Variants in LIPA observed in about 807,000 individuals in gnomAD.
The protein encoded by LIPA is lipase A, lysosomal acid type, also known as lysosomal acid lipase/cholesteryl ester hydrolase.
Under a neutral mutation model 40.6 loss-of-function variants are expected in LIPA, and 26 were observed. That is an observed-to-expected ratio of 0.64 (90% CI 0.47 to 0.89). The LOEUF (loss-of-function observed/expected upper bound fraction) is 0.89, where lower values mean the gene tolerates loss of function less well. LIPA is among the 40% of genes least tolerant of loss of function. The probability of loss-of-function intolerance (pLI) is 0.00; values close to 1 mark genes in which losing one functional copy is unlikely to be tolerated. For missense variants in LIPA, 455 were observed against 479.6 expected (o/e 0.95, Z 0.48); for synonymous variants, 188 against 168.4 (o/e 1.12, Z -0.90).
At chr10:89,408,416 C>A (rs1254858436) in intron 2 of LIPA, among the ~76,000 whole-genome samples, 1 of 152,212 alleles carries the variant, frequency 6.6e-6, no homozygotes, top group Non-Finnish European at 1.5e-5. Context: ...CACAGGAGGA[C>A]CTTTCAGCTT....
chr10:89,356,529 C>T (rs764730433), intron 2 of LIPA, among the ~76,000 whole-genome samples: 3 of 152,176 alleles, frequency 2.0e-5, no homozygotes, highest in East Asian at 1.9e-4. Context: ...CAAAAGAGCA[C>T]GAACCCTATT....
At chr10:89,384,688 T>G (rs1484051476) in intron 2 of LIPA, 1 of 1,614,198 alleles carries the variant, frequency 6.2e-7, no homozygotes, top group Non-Finnish European at 8.5e-7. Context: ...TGCTTTGCTG[T>G]GCTATGAGAG....
intron 1 of LIPA, among the ~76,000 whole-genome samples, chr10:89,271,946 T>C (rs1189932485): frequency 1.3e-5 from 2 of 151,608 alleles, no homozygotes; most frequent in Non-Finnish European, 2.9e-5. Context: ...GTCACGCACC[T>C]GTAGTCTCAG....
At chr10:89,351,894 T>A (rs1263548899) in intron 2 of LIPA, among the ~76,000 whole-genome samples, 2 of 152,204 alleles carry the variant, frequency 1.3e-5, no homozygotes, top group Non-Finnish European at 2.9e-5. Flanking sequence ...AAACTCAGTG[T>A]GTCTCCATCT....
At chr10:89,403,186 A>G in intron 2 of LIPA, 1 of 1,614,074 alleles carries the variant, frequency 6.2e-7, no homozygotes, top group South Asian at 1.1e-5. Context: ...CAAATCAAGG[A>G]GGCTACAAAA....
At chr10:89,255,920 A>G (rs971766976), upstream of LIPA, among the ~76,000 whole-genome samples, 4 of 152,232 alleles carry the variant, frequency 2.6e-5, no homozygotes, top group African/African-American at 9.6e-5. Context: ...GGGTGGCACC[A>G]CAGAAATTAT....
At chr10:89,240,680 C>T (rs545383737) in intron 3 of LIPA, among the ~76,000 whole-genome samples, 1 of 152,256 alleles carries the variant, frequency 6.6e-6, no homozygotes, top group South Asian at 2.1e-4. Flanking sequence ...AACTTACACC[C>T]ATGACTGGTG....
At chr10:89,396,348 T>A (rs1395180506) in intron 2 of LIPA, among the ~76,000 whole-genome samples, 1 of 152,170 alleles carries the variant, frequency 6.6e-6, no homozygotes, top group Non-Finnish European at 1.5e-5. Context: ...TAGCTCACAG[T>A]TCCGCAGCCC....
chr10:89,332,494 C>T (rs1843664744), intron 1 of LIPA: 2 of 1,567,102 alleles, frequency 1.3e-6, no homozygotes, highest in African/African-American at 1.4e-5. Flanking sequence ...TTTCCTTTCC[C>T]CTTTCATAAA....
chr10:89,247,214 C>CA (rs944969745), intron 2 of LIPA, among the ~76,000 whole-genome samples: 13 of 150,484 alleles, frequency 8.6e-5, no homozygotes, highest in Non-Finnish European at 1.6e-4. Context: ...CTACTAAATA[C>CA]AAAAAAAATT....
At chr10:89,393,688 C>G (rs1335628084) in intron 2 of LIPA, among the ~76,000 whole-genome samples, 1 of 152,228 alleles carries the variant, frequency 6.6e-6, no homozygotes, top group Non-Finnish European at 1.5e-5. Context: ...TGAGATTGTA[C>G]CACTGCACTC....
At chr10:89,256,711 G>A (rs1054484718), upstream of LIPA, among the ~76,000 whole-genome samples, 1 of 152,194 alleles carries the variant, frequency 6.6e-6, no homozygotes, top group African/African-American at 2.4e-5. Context: ...AGAGGGCTTA[G>A]CACAATTTCA....
chr10:89,363,873 G>A (rs147061146), intron 2 of LIPA, among the ~76,000 whole-genome samples: 33 of 152,010 alleles, frequency 2.2e-4, no homozygotes, highest in African/African-American at 7.5e-4. Context: ...TACTGAATTG[G>A]CTAACAGGCA....
intron 2 of LIPA, among the ~76,000 whole-genome samples, chr10:89,356,861 G>A (rs975210564): frequency 6.6e-6 from 1 of 152,180 alleles, no homozygotes; most frequent in African/African-American, 2.4e-5. Context: ...GCTGCTTGAG[G>A]GGTTTTTATG....
At chr10:89,313,537 G>C (rs979192859) in intron 1 of LIPA, among the ~76,000 whole-genome samples, 2 of 152,124 alleles carry the variant, frequency 1.3e-5, no homozygotes, top group South Asian at 2.1e-4. Context: ...TCCATTCCTA[G>C]ATACATATGT....
chr10:89,222,028 A>T (rs1426254521), intron 8 of LIPA, among the ~76,000 whole-genome samples: 2 of 152,192 alleles, frequency 1.3e-5, no homozygotes, highest in Non-Finnish European at 2.9e-5. Flanking sequence ...CACATCTATC[A>T]TTGGTTTAGC....
At chr10:89,349,386 C>T (rs1424619590) in intron 2 of LIPA, among the ~76,000 whole-genome samples, 2 of 152,186 alleles carry the variant, frequency 1.3e-5, no homozygotes, top group African/African-American at 2.4e-5. Context: ...GGGGCGTTAA[C>T]TTTCCTTTCA....
chr10:89,293,338 T>C (rs2133510143), intron 1 of LIPA, among the ~76,000 whole-genome samples: 1 of 152,320 alleles, frequency 6.6e-6, no homozygotes, highest in East Asian at 1.9e-4. Context: ...TTCTAGAGTA[T>C]GAGAACAGAC....
At chr10:89,383,429 T>A in intron 2 of LIPA, 1 of 1,614,170 alleles carries the variant, frequency 6.2e-7, no homozygotes, top group Non-Finnish European at 8.5e-7. Flanking sequence ...GAAAACAGGA[T>A]CTGGGAAGAG....
Sources: gnomAD v4.1 joint callset for allele counts (sites outside exome capture counted in the v4.1 genomes callset) on GRCh38, gnomAD v4.1.1 for gene constraint, MANE v1.5 for transcripts, NCBI Gene and HGNC (gene_info 2026-07-23, HGNC 2026-07-21) for gene names.